DLC1: variants seen among roughly 807,000 people sequenced by gnomAD.
The protein encoded by DLC1 is DLC1 Rho GTPase activating protein.
Under a neutral mutation model 140.3 loss-of-function variants are expected in DLC1, and 54 were observed. The observed-to-expected ratio is 0.38, with a 90% confidence interval of 0.31 to 0.48. DLC1 has a LOEUF of 0.48. Among genes scored for constraint, DLC1 ranks in the 20% least tolerant of loss-of-function variants. The pLI is 0.96. For synonymous variants in DLC1, 986 were observed against 728.1 expected (o/e 1.35, Z -5.70); for missense variants, 2,536 against 1,907.0 (o/e 1.33, Z -6.14).
chr8:13,486,622 C>G (rs1038930401), intron 2 of DLC1, among the ~76,000 whole-genome samples: 1 of 152,062 alleles, frequency 6.6e-6, no homozygotes, highest in African/African-American at 2.4e-5. Flanking sequence ...TATTTTAGTT[C>G]AAATGAAATG....
intron 5 of DLC1, among the ~76,000 whole-genome samples, chr8:13,205,073 G>T (rs1479582321): frequency 6.6e-6 from 1 of 151,854 alleles, no homozygotes; most frequent in African/African-American, 2.4e-5. Flanking sequence ...AGACCAGATG[G>T]CATTATTGGG....
intron 2 of DLC1, among the ~76,000 whole-genome samples, chr8:13,409,733 A>G (rs1405857313): frequency 6.6e-6 from 1 of 152,158 alleles, no homozygotes; most frequent in East Asian, 1.9e-4. Flanking sequence ...TGTTTCTTTG[A>G]ATGAATAAAT....
intron 5 of DLC1, among the ~76,000 whole-genome samples, chr8:13,295,938 CTTTGT>C (rs1831927498): frequency 1.9e-5 from 1 of 53,344 alleles, no homozygotes; most frequent in African/African-American, 7.2e-5. Context: ...AGATAAGATT[CTTTGT>C]TTTTTTTTTT....
chr8:13,489,409 C>CCACACA (rs1554530198), intron 2 of DLC1, among the ~76,000 whole-genome samples: 7 of 8,968 alleles, frequency 7.8e-4, no homozygotes, highest in African/African-American at 1.6e-3. Flanking sequence ...AACACACACA[C>CCACACA]CATACACACA....
chr8:13,231,745 T>G (rs975311739), intron 5 of DLC1, among the ~76,000 whole-genome samples: 1 of 152,248 alleles, frequency 6.6e-6, no homozygotes. Flanking sequence ...CACAGCGATG[T>G]GATCAGATTA....
intron 10 of DLC1, 177 bp from the exon 11 acceptor site, chr8:13,095,422 T>A: frequency 1.4e-6 from 1 of 710,892 alleles, no homozygotes; most frequent in Non-Finnish European, 2.3e-6. Context: ...TGGCCACACT[T>A]CAGGTGCTCC....
intron 2 of DLC1, among the ~76,000 whole-genome samples, chr8:13,475,620 A>G (rs1800401853): frequency 6.6e-6 from 1 of 152,244 alleles, no homozygotes; most frequent in Admixed American, 6.5e-5. Flanking sequence ...CATAACTGTC[A>G]CCACAAACTC....
chr8:13,499,265 T>A lies in DLC1; in HGVS notation c.807A>T (p.Leu269Phe). 1 of 1,614,212 alleles carries A rather than the reference T, an allele frequency of 6.2e-7. No individual in the cohort carries two copies. The highest frequency in any genetic ancestry group is 8.5e-7 in the Non-Finnish European group (1 of 1,180,024). ...GGCAGCTTCCAAAATCTGTTTTTAATAATGGCAGTCCTCTGTTTGTGCAAG... is the reference window on the plus strand; with the variant it reads ...GGCAGCTTCCAAAATCTGTTTTTAAAAATGGCAGTCCTCTGTTTGTGCAAG... ...DTPCTNRGLP[L>F]LKTDFGSCLL... Residue 269 changes from leucine to phenylalanine, a missense_variant, in exon 2 of 18, where the codon TTA becomes TTT. Transcript: ENST00000276297.
rs151041189 is a variant in DLC1, at chr8:13,246,489, G to A, written c.1348+58780C>T. 3.7e-3 allele frequency among the ~76,000 whole-genome samples: 563 copies of A among 152,116 alleles called. 5 individuals are homozygous for A. The highest frequency in any genetic ancestry group is 0.013 in the African/African-American group (522 of 41,484). On this transcript the variant is annotated intron_variant, in intron 5 of 17. Coordinates refer to ENST00000276297, the MANE Select transcript of DLC1 (RefSeq NM_182643.3). ...AGATTCACTCATGTGGCATTCTTACGGAGAGAGAAGGAGAGAGTATGACTG... is the reference window on the plus strand; with the variant it reads ...AGATTCACTCATGTGGCATTCTTACAGAGAGAGAAGGAGAGAGTATGACTG...
At chr8:13,191,339 T>G (rs577064501) in intron 5 of DLC1, among the ~76,000 whole-genome samples, 10 of 152,246 alleles carry the variant, frequency 6.6e-5, no homozygotes, top group Non-Finnish European at 1.0e-4. Context: ...AAACTCCGTC[T>G]CTACTAAAAA....
At chr8:13,122,123 G>A (rs1821135523) in intron 5 of DLC1, among the ~76,000 whole-genome samples, 1 of 152,076 alleles carries the variant, frequency 6.6e-6, no homozygotes, top group Non-Finnish European at 1.5e-5. Flanking sequence ...GGATCCCCGA[G>A]CCACTGGGCT....
chr8:13,393,385 C>CA (rs1368015492), intron 4 of DLC1, among the ~76,000 whole-genome samples, 168 bp downstream of exon 4: 1 of 152,034 alleles, frequency 6.6e-6, no homozygotes, highest in Non-Finnish European at 1.5e-5. Flanking sequence ...ATTTATAAAA[C>CA]AAAAAACATT....
chr8:13,366,828 C>G (rs1039568479), intron 4 of DLC1, among the ~76,000 whole-genome samples: 5 of 152,102 alleles, frequency 3.3e-5, no homozygotes, highest in Middle Eastern at 3.2e-3. Flanking sequence ...TACTTTGTTC[C>G]AGAAGCTTTC....
At chr8:13,133,385 G>A (rs1417157835) in intron 5 of DLC1, 5 of 913,126 alleles carry the variant, frequency 5.5e-6, no homozygotes, top group Non-Finnish European at 6.7e-6. Flanking sequence ...CCCGCTGTCT[G>A]GGTCGCAGGC....
rs754016987 is a variant in DLC1, at chr8:13,100,740, C to G, written c.1597G>C (p.Ala533Pro). ...SDDSDEDEPCAISGKWTFQRD... is the reference protein window; with the variant it reads ...SDDSDEDEPCPISGKWTFQRD... The stretch of plus-strand genomic sequence containing the variant: ...TGGAAAGTCCATTTGCCACTGATGG[C>G]ACAAGGCTCATCCTCGTCTGAATCG... The change falls in exon 9 of 18, where the codon GCC (alanine) becomes CCC (proline). Residue 533 changes from alanine (A) to proline (P), a missense_variant. Coordinates refer to ENST00000276297, the MANE Select transcript of DLC1 (RefSeq NM_182643.3). 1 of 1,592,816 alleles carries G rather than the reference C, an allele frequency of 6.3e-7. No homozygotes were observed. Among genetic ancestry groups the G allele is most frequent in the Non-Finnish European group, 8.5e-7 (1 of 1,169,972 alleles).
rs1355842871 is a variant in DLC1, at chr8:13,151,348, C to G, written c.1349-35691G>C. On this transcript the variant is annotated intron_variant, in intron 5 of 17. Coordinates refer to ENST00000276297, the MANE Select transcript of DLC1 (RefSeq NM_182643.3). ...AAGTGTTTTCAACTATTAGTCCCCA[C>G]AACAATCTTATGATTATTAATATCA... 2.0e-4 allele frequency among the ~76,000 whole-genome samples: 30 copies of G among 152,148 alleles called. 1 individual carries two copies.
intron 5 of DLC1, among the ~76,000 whole-genome samples, chr8:13,145,093 T>G (rs561038320): frequency 1.3e-5 from 2 of 152,304 alleles, no homozygotes; most frequent in African/African-American, 4.8e-5. Flanking sequence ...AAATATCTCA[T>G]GAACTGAGGA....
intron 5 of DLC1, among the ~76,000 whole-genome samples, chr8:13,284,419 C>G (rs914780421): frequency 6.6e-6 from 1 of 152,026 alleles, no homozygotes; most frequent in South Asian, 2.1e-4. Flanking sequence ...CCCAGCTACT[C>G]AGAAGGCTGA....
At chr8:13,467,350 T>C (rs1195446063) in intron 2 of DLC1, among the ~76,000 whole-genome samples, 11 of 152,192 alleles carry the variant, frequency 7.2e-5, no homozygotes, top group Admixed American at 5.9e-4. Flanking sequence ...TGCTATTTGT[T>C]AGAGTTTTCT....
Sources: gnomAD v4.1 joint callset for allele counts (sites outside exome capture counted in the v4.1 genomes callset) on GRCh38, gnomAD v4.1.1 for gene constraint, MANE v1.5 for transcripts, NCBI Gene and HGNC (gene_info 2026-07-23, HGNC 2026-07-21) for gene names.